The following PSTPIP1 variants were observed in gnomAD, a reference collection of about 807,000 sequenced individuals.
The protein encoded by PSTPIP1 is proline-serine-threonine phosphatase-interacting protein 1.
In PSTPIP1, 66 loss-of-function variants were observed where a neutral mutation model predicts 69.6. The observed-to-expected ratio is 0.95, with a 90% CI of 0.78 to 1.16. The LOEUF is 1.16. Among genes scored for constraint, PSTPIP1 ranks in the 50% most tolerant of loss-of-function variants. The pLI is 0.00. For synonymous variants in PSTPIP1, 266 were observed against 222.7 expected, an observed-to-expected ratio of 1.19 and a Z score of -1.73; for missense variants, 603 against 557.4, an observed-to-expected ratio of 1.08 and a Z score of -0.82.
intron 1 of PSTPIP1, among the ~76,000 whole-genome samples, chr15:77,017,766 T>C (rs986724167): frequency 2.0e-5 from 3 of 152,102 alleles, no homozygotes; most frequent in African/African-American, 7.2e-5. Flanking sequence ...TTAGCTGAGA[T>C]AGGGATATTG....
intron 12 of PSTPIP1, among the ~76,000 whole-genome samples, chr15:77,035,289 G>C (rs1458060471): frequency 6.6e-6 from 1 of 152,178 alleles, no homozygotes; most frequent in Non-Finnish European, 1.5e-5. Context: ...CCAGTGGAGG[G>C]CGTAGCTGGG....
At position 77,030,512 on chromosome 15, in the gene PSTPIP1, C is replaced by T. The variant is rs2076388568; in HGVS notation, c.573C>T (p.Tyr191=). ...TGCCTGCGCTTTCAGAGCGGGTATA[C>T]AGGCAGAGCATTGCGCAGCTGGAGA... ...KDSATEAERV[Y]RQSIAQLEKV... The change falls in exon 9 of 15, where the codon TAC becomes TAT. Residue 191 remains tyrosine (Y), a synonymous_variant. Transcript: ENST00000558012. 6.2e-6 allele frequency: 10 copies of T among 1,612,530 alleles called. No individual in the cohort carries two copies. Among genetic ancestry groups the T allele is most frequent in the East Asian group, 2.2e-5 (1 of 44,884 alleles).
chr15:76,994,913 C>A (rs2075539503), upstream of PSTPIP1: 1 of 1,271,646 alleles, frequency 7.9e-7, no homozygotes, highest in African/African-American at 1.5e-5. Flanking sequence ...GGGTGACACA[C>A]CTGGGGTTCC....
intron 1 of PSTPIP1, among the ~76,000 whole-genome samples, chr15:77,017,398 G>T (rs977184749): frequency 2.0e-5 from 3 of 152,178 alleles, no homozygotes; most frequent in East Asian, 3.9e-4. Flanking sequence ...GGCAGCAGAG[G>T]GTAGCTGTCC....
At chr15:77,002,061 C>G (rs1287559802) in intron 1 of PSTPIP1, among the ~76,000 whole-genome samples, 3 of 152,268 alleles carry the variant, frequency 2.0e-5, no homozygotes, top group Admixed American at 2.0e-4. Context: ...CTACTTACAT[C>G]ATCCCCTGAG....
chr15:77,004,281 A>G (rs2152667136), intron 1 of PSTPIP1, among the ~76,000 whole-genome samples: 1 of 152,324 alleles, frequency 6.6e-6, no homozygotes, highest in African/African-American at 2.4e-5. Flanking sequence ...ACACTGAGCA[A>G]TGGGTGATGG....
intron 1 of PSTPIP1, among the ~76,000 whole-genome samples, chr15:77,012,368 C>CCCACCTATCCACCCATCCATCCAT (rs1379577427): frequency 2.9e-4 from 40 of 139,856 alleles, no homozygotes; most frequent in Middle Eastern, 3.8e-3. Context: ...CATCCACCCA[C>CCCACCTATCCACCCATCCATCCAT]CCACCTATCC....
rs141616584 is a variant in PSTPIP1, at chr15:77,033,349, G to A, written c.929+397G>A. 1.7e-3 allele frequency among the ~76,000 whole-genome samples: 254 copies of A among 152,232 alleles called. 1 individual carries two copies. Among genetic ancestry groups the A allele is most frequent in the African/African-American group, 5.5e-3 (227 of 41,528 alleles). Reference sequence around the variant, plus strand: ...CAGGCTTTTCCAGGGCTCCTTCCCCGGCCTGGCTGCAGTCAAGTGCCAAGG... The same window carrying A: ...CAGGCTTTTCCAGGGCTCCTTCCCCAGCCTGGCTGCAGTCAAGTGCCAAGG... On this transcript the variant is annotated intron_variant, in intron 12 of 14. Transcript: ENST00000558012.
chr15:77,036,063 C>T, intron 14 of PSTPIP1, 128 bp downstream of exon 14: 2 of 1,271,388 alleles, frequency 1.6e-6, no homozygotes, highest in Non-Finnish European at 1.1e-6. Flanking sequence ...TCCTCTCCTC[C>T]TCAGGAGGGC....
intron 1 of PSTPIP1, among the ~76,000 whole-genome samples, chr15:77,007,139 C>G (rs1480859812): frequency 1.3e-5 from 2 of 152,142 alleles, no homozygotes; most frequent in Non-Finnish European, 2.9e-5. Flanking sequence ...TACAGCTCCC[C>G]AAGAAGGTCC....
chr15:77,002,280 T>C (rs2075725222), intron 1 of PSTPIP1, among the ~76,000 whole-genome samples: 1 of 152,242 alleles, frequency 6.6e-6, no homozygotes, highest in Non-Finnish European at 1.5e-5. Flanking sequence ...CCCTCTGCCC[T>C]GAATTCTAGA....
At chr15:77,010,838 G>T (rs1014735485) in intron 1 of PSTPIP1, among the ~76,000 whole-genome samples, 1 of 152,058 alleles carries the variant, frequency 6.6e-6, no homozygotes, top group Non-Finnish European at 1.5e-5. Flanking sequence ...TAGAGACAGG[G>T]TTTCACCATG....
At chr15:77,033,748 G>A (rs2076479380) in intron 12 of PSTPIP1, among the ~76,000 whole-genome samples, 1 of 152,104 alleles carries the variant, frequency 6.6e-6, no homozygotes, top group Non-Finnish European at 1.5e-5. Context: ...CTCATTCCAG[G>A]GCCTCAGGAG....
chr15:77,031,152 C>A, intron 9 of PSTPIP1, 28 bp from the exon 10 acceptor site: 2 of 1,604,526 alleles, frequency 1.2e-6, no homozygotes, highest in Non-Finnish European at 1.7e-6. Context: ...CGCCTCCTCA[C>A]TGCTCACCTC....
intron 1 of PSTPIP1, among the ~76,000 whole-genome samples, chr15:77,004,467 G>A (rs1032095887): frequency 1.3e-5 from 2 of 152,190 alleles, no homozygotes; most frequent in African/African-American, 2.4e-5. Flanking sequence ...GCCACACTGG[G>A]GAGGAAGTCA....
At chr15:77,034,236 C>T (rs998071379) in intron 12 of PSTPIP1, among the ~76,000 whole-genome samples, 1 of 152,060 alleles carries the variant, frequency 6.6e-6, no homozygotes, top group Admixed American at 6.6e-5. Context: ...GCAAGCCCTG[C>T]ACCCCTTTCC....
chr15:77,016,873 G>A (rs2076061665), intron 1 of PSTPIP1, among the ~76,000 whole-genome samples: 1 of 152,188 alleles, frequency 6.6e-6, no homozygotes, highest in Non-Finnish European at 1.5e-5. Flanking sequence ...GGTGGCATTT[G>A]AGGGGAGACA....
At chr15:76,995,690 G>C in intron 1 of PSTPIP1, 81 bp downstream of exon 1, 1 of 1,604,760 alleles carries the variant, frequency 6.2e-7, no homozygotes, top group East Asian at 2.2e-5. Context: ...GATGGGATGC[G>C]GCTCCGAGAG....
Position 76,995,548 on chromosome 15 carries a change from A to G in PSTPIP1, c.-26A>G. 1 of 1,613,732 alleles carries G rather than the reference A, an allele frequency of 6.2e-7. No individual in the cohort carries two copies. Among genetic ancestry groups the G allele is most frequent in the Non-Finnish European group, 8.5e-7 (1 of 1,179,858 alleles). On this transcript the variant is annotated 5_prime_UTR_variant, in exon 1 of 15. Coordinates refer to ENST00000558012, the MANE Select transcript of PSTPIP1 (RefSeq NM_003978.5). ...CAGGCCAGCCTGTGGCAGGAGAGTG[A>G]GCTTTGCCGCGGCAGACGCCTGAGG...
Sources: allele counts gnomAD v4.1 joint callset (sites outside exome capture counted in the v4.1 genomes callset), GRCh38; gene constraint gnomAD v4.1.1; transcripts MANE v1.5; gene names NCBI Gene and HGNC (gene_info 2026-07-23, HGNC 2026-07-21).